RIMS4: variants seen among roughly 807,000 people sequenced by gnomAD.
RIMS4 encodes the protein regulating synaptic membrane exocytosis 4.
A neutral mutation model predicts 29.0 loss-of-function variants in RIMS4; 9 were observed. That is an observed-to-expected ratio of 0.31 (90% confidence interval 0.19 to 0.54). The LOEUF (loss-of-function observed/expected upper bound fraction) is 0.54, where lower values mean the gene tolerates loss of function less well. Among genes scored for constraint, RIMS4 ranks in the 20% least tolerant of loss-of-function variants. RIMS4 has a pLI of 0.94. For synonymous variants in RIMS4, 130 were observed against 152.9 expected, an observed-to-expected ratio of 0.85 and a Z score of 1.10; for missense variants, 193 against 365.7, an observed-to-expected ratio of 0.53 and a Z score of 3.85.
chr20:44,808,978 GCTC>G (rs889381385), intron 1 of RIMS4, among the ~76,000 whole-genome samples: 1 of 152,102 alleles, frequency 6.6e-6, no homozygotes, highest in Non-Finnish European at 1.5e-5. Flanking sequence ...AAACCATTTT[GCTC>G]CTCAAGCACA....
intron 1 of RIMS4, among the ~76,000 whole-genome samples, chr20:44,801,775 T>G (rs932110405): frequency 4.6e-5 from 7 of 152,136 alleles, no homozygotes; most frequent in Non-Finnish European, 7.4e-5. Flanking sequence ...CAGCTGAGAC[T>G]CATTTGGATC....
intron 1 of RIMS4, among the ~76,000 whole-genome samples, chr20:44,780,346 A>G (rs1473138536): frequency 6.6e-6 from 1 of 152,192 alleles, no homozygotes; most frequent in Non-Finnish European, 1.5e-5. Flanking sequence ...GTGTGCAGGA[A>G]CTGTCCGTGG....
intron 1 of RIMS4, 31 bp downstream of exon 1, chr20:44,810,144 C>A: frequency 7.5e-7 from 1 of 1,334,360 alleles, no homozygotes. Context: ...CGGGACACCC[C>A]GGGGGTCTGG....
At chr20:44,764,147 C>T (rs1366288616) in intron 2 of RIMS4, among the ~76,000 whole-genome samples, 20 of 50,436 alleles carry the variant, frequency 4.0e-4, no homozygotes, top group Admixed American at 4.4e-4. Flanking sequence ...TTTATGCATC[C>T]ATTTATCCAT....
intron 1 of RIMS4, among the ~76,000 whole-genome samples, chr20:44,772,114 G>T (rs1320329974): frequency 6.6e-6 from 1 of 152,116 alleles, no homozygotes; most frequent in Non-Finnish European, 1.5e-5. Context: ...CAACTGTCAA[G>T]TGGGAGAATA....
intron 1 of RIMS4, among the ~76,000 whole-genome samples, chr20:44,777,731 G>A (rs1303581816): frequency 2.6e-5 from 4 of 152,160 alleles, no homozygotes; most frequent in Non-Finnish European, 5.9e-5. Flanking sequence ...TATCAGCTTT[G>A]ACTTCCAGAT....
At chr20:44,764,191 T>TATCC (rs145964299) in intron 2 of RIMS4, among the ~76,000 whole-genome samples, 1 of 10,516 alleles carries the variant, frequency 9.5e-5, no homozygotes. Flanking sequence ...TCCATCCATT[T>TATCC]ATCCATCCAT....
rs746030392 is a variant in RIMS4, at chr20:44,758,151, G to A, written c.270C>T (p.Asp90=). 24 of 1,613,520 alleles carry A rather than the reference G, an allele frequency of 1.5e-5. No homozygotes were observed. The highest frequency in any genetic ancestry group is 4.4e-5 in the South Asian group (4 of 91,006). Reference sequence around the variant, plus strand: ...TTCCCAGGAAGTCACTGAACTGGGCGTCCGACGCCAGGCAAACTCCTCCAT... The same window carrying A: ...TTCCCAGGAAGTCACTGAACTGGGCATCCGACGCCAGGCAAACTCCTCCAT... ...LNYGGVCLAS[D]AQFSDFLGSM... The change falls in exon 3 of 6, where the codon GAC becomes GAT. Residue 90 remains aspartate (D), a synonymous_variant. Transcript: ENST00000372851.
At chr20:44,791,174 T>C (rs2066230788) in intron 1 of RIMS4, among the ~76,000 whole-genome samples, 1 of 152,260 alleles carries the variant, frequency 6.6e-6, no homozygotes, top group East Asian at 1.9e-4. Flanking sequence ...GTTGTGTGTG[T>C]GCACGCGCAC....
intron 1 of RIMS4, among the ~76,000 whole-genome samples, chr20:44,794,161 G>T (rs1601041477): frequency 6.6e-6 from 1 of 152,346 alleles, no homozygotes; most frequent in East Asian, 1.9e-4. Flanking sequence ...CTCACAAGAG[G>T]TTTATAAGGG....
chr20:44,795,201 C>G (rs547007099), intron 1 of RIMS4, among the ~76,000 whole-genome samples: 7 of 152,204 alleles, frequency 4.6e-5, no homozygotes, highest in Non-Finnish European at 1.0e-4. Flanking sequence ...GTCCTCTCAC[C>G]CCTACCCTGT....
intron 1 of RIMS4, among the ~76,000 whole-genome samples, chr20:44,789,318 G>A (rs2066222569): frequency 6.6e-6 from 1 of 152,038 alleles, no homozygotes; most frequent in Non-Finnish European, 1.5e-5. Flanking sequence ...ATTTTTTTGA[G>A]ACGGAGTCTC....
At chr20:44,766,308 C>A (rs983625534) in intron 2 of RIMS4, among the ~76,000 whole-genome samples, 5 of 152,132 alleles carry the variant, frequency 3.3e-5, no homozygotes, top group Non-Finnish European at 7.3e-5. Context: ...TGCCAGTTCT[C>A]AGCTGAGGTC....
At chr20:44,760,406 C>A (rs1326929709) in intron 2 of RIMS4, among the ~76,000 whole-genome samples, 1 of 152,208 alleles carries the variant, frequency 6.6e-6, no homozygotes. Flanking sequence ...TCCCTCCATA[C>A]CCTAGAGAGG....
intron 2 of RIMS4, among the ~76,000 whole-genome samples, chr20:44,763,957 T>C (rs2066097009): frequency 6.6e-6 from 1 of 151,924 alleles, no homozygotes; most frequent in Non-Finnish European, 1.5e-5. Flanking sequence ...TATCCATCCA[T>C]CCATCCATTT....
chr20:44,785,109 G>T (rs2066202126), intron 1 of RIMS4, among the ~76,000 whole-genome samples: 1 of 152,142 alleles, frequency 6.6e-6, no homozygotes, highest in African/African-American at 2.4e-5. Flanking sequence ...ATTGTTCAAG[G>T]AGCCTCTTGG....
chr20:44,770,903 A>G (rs1009224654), intron 2 of RIMS4, among the ~76,000 whole-genome samples: 3 of 152,234 alleles, frequency 2.0e-5, no homozygotes, highest in African/African-American at 4.8e-5. Context: ...ACACTGCTTT[A>G]TGCTGTGTAT....
At chr20:44,759,067 T>C (rs1257649808) in intron 2 of RIMS4, among the ~76,000 whole-genome samples, 3 of 152,230 alleles carry the variant, frequency 2.0e-5, no homozygotes, top group Non-Finnish European at 4.4e-5. Flanking sequence ...TAAGTATCTC[T>C]TTCCCATCTG....
At chr20:44,803,912 T>C (rs1221389499) in intron 1 of RIMS4, among the ~76,000 whole-genome samples, 1 of 152,128 alleles carries the variant, frequency 6.6e-6, no homozygotes, top group Admixed American at 6.5e-5. Context: ...GGGTGGATTG[T>C]AGCAGGGTGG....
Sources: gnomAD v4.1 joint callset for allele counts (sites outside exome capture counted in the v4.1 genomes callset) on GRCh38, gnomAD v4.1.1 for gene constraint, MANE v1.5 for transcripts, NCBI Gene and HGNC (gene_info 2026-07-23, HGNC 2026-07-21) for gene names.